The following AKNAD1 variants were observed in gnomAD, a reference collection of about 807,000 sequenced individuals.
AKNAD1 encodes the protein protein AKNAD1.
A neutral mutation model predicts 90.8 loss-of-function variants in AKNAD1; 67 were observed. The observed-to-expected ratio is 0.74, with a 90% CI of 0.61 to 0.90. AKNAD1 has a LOEUF of 0.90. Ranked by LOEUF, AKNAD1 falls within the 40% of genes least tolerant of loss-of-function variation. AKNAD1 has a pLI of 0.00. For missense variants in AKNAD1, 957 were observed against 975.4 expected (o/e 0.98, Z 0.25); for synonymous variants, 327 against 341.4 (o/e 0.96, Z 0.46).
At chr1:108,855,878 C>CT (rs540099927) in intron 1 of AKNAD1, among the ~76,000 whole-genome samples, 4,420 of 127,084 alleles carry the variant, frequency 0.035, 142 homozygotes, top group African/African-American at 0.081. Flanking sequence ...AACAGAGTAT[C>CT]TTTTTTTTTT....
chr1:108,835,143 C>G, intron 7 of AKNAD1, 87 bp from the exon 8 acceptor site: 1 of 1,456,740 alleles, frequency 6.9e-7, no homozygotes, highest in Non-Finnish European at 9.1e-7. Context: ...CTACAGCACC[C>G]CTAAGGCACC....
At chr1:108,816,997 G>C in intron 15 of AKNAD1, 51 bp downstream of exon 15, 1 of 1,604,070 alleles carries the variant, frequency 6.2e-7, no homozygotes, top group Non-Finnish European at 8.5e-7. Flanking sequence ...TGGGCATCAA[G>C]ATCAAACTTA....
intron 11 of AKNAD1, 105 bp from the exon 12 acceptor site, chr1:108,823,793 A>G: frequency 6.5e-7 from 1 of 1,537,198 alleles, no homozygotes; most frequent in Non-Finnish European, 8.8e-7. Context: ...TGTGTTTGGC[A>G]CCAAAGTGCT....
At chr1:108,837,421 G>T in intron 7 of AKNAD1, 129 bp downstream of exon 7, 1 of 873,410 alleles carries the variant, frequency 1.1e-6, no homozygotes, top group East Asian at 2.6e-5. Flanking sequence ...ATAATTCATG[G>T]GACTTTGGAA....
At chr1:108,841,272 T>C in intron 6 of AKNAD1, among the ~76,000 whole-genome samples, 1 of 152,142 alleles carries the variant, frequency 6.6e-6, no homozygotes, top group East Asian at 1.9e-4. Context: ...TCAAGGACCA[T>C]GGCTAGAGAG....
At chr1:108,846,506 A>T (rs1218876847) in intron 5 of AKNAD1, among the ~76,000 whole-genome samples, 3 of 151,964 alleles carry the variant, frequency 2.0e-5, no homozygotes, top group Non-Finnish European at 4.4e-5. Context: ...TTCAATCAAA[A>T]CCAGGCTTGC....
intron 15 of AKNAD1, among the ~76,000 whole-genome samples, 194 bp from the exon 16 acceptor site, chr1:108,816,496 G>T (rs1421512834): frequency 2.6e-5 from 4 of 152,120 alleles, no homozygotes; most frequent in Admixed American, 2.6e-4. Flanking sequence ...TAGGGAAAGG[G>T]ATTGAAAAAA....
At chr1:108,845,816 GAC>G (rs1478548078) in intron 5 of AKNAD1, among the ~76,000 whole-genome samples, 1 of 152,178 alleles carries the variant, frequency 6.6e-6, no homozygotes, top group Non-Finnish European at 1.5e-5. Context: ...AGTGAAGAGA[GAC>G]ACAAACATTT....
chr1:108,848,669 A>G, intron 5 of AKNAD1, 83 bp downstream of exon 5: 1 of 1,270,354 alleles, frequency 7.9e-7, no homozygotes. Context: ...ACTGTAGAGA[A>G]AACATGGCAC....
chr1:108,850,680 C>T (rs12035019), intron 2 of AKNAD1, among the ~76,000 whole-genome samples: 10,587 of 151,986 alleles, frequency 0.07, 440 homozygotes, highest in East Asian at 0.15. Flanking sequence ...GGTTAGGTTA[C>T]AGAAAAAGAG....
In AKNAD1 at chr1:108,830,597, G is replaced by A. The variant is rs369842462; in HGVS notation, c.1800C>T (p.Pro600=). The change falls in exon 10 of 16, where the codon CCC becomes CCT. Residue 600 remains proline, a synonymous_variant. Transcript: ENST00000370001. ...RRQDCAEMTA[P]SPSCAFCRRL... is the part of the protein sequence containing the mutation. ...TGCGACAGAAGGCACAGCTCGGACTGGGTGCCGTCATCTCTGCACAATCCT... is the reference window on the plus strand; with the variant it reads ...TGCGACAGAAGGCACAGCTCGGACTAGGTGCCGTCATCTCTGCACAATCCT... 9 of 1,614,026 alleles carry A rather than the reference G, an allele frequency of 5.6e-6. No individual in the cohort carries two copies. In the African/African-American group the frequency reaches 6.7e-5, roughly 12 times the overall value.
intron 10 of AKNAD1, among the ~76,000 whole-genome samples, chr1:108,828,295 C>T (rs571007812): frequency 7.2e-5 from 11 of 151,730 alleles, no homozygotes; most frequent in African/African-American, 2.7e-4. Context: ...ACATGGCCAC[C>T]AGGTGGCGTC....
intron 6 of AKNAD1, among the ~76,000 whole-genome samples, chr1:108,840,952 C>T (rs1664533784): frequency 6.6e-6 from 1 of 152,124 alleles, no homozygotes; most frequent in South Asian, 2.1e-4. Flanking sequence ...GGGCAGATCA[C>T]TTTAGGTCAG....
At chr1:108,845,758 T>C (rs557421203) in intron 5 of AKNAD1, among the ~76,000 whole-genome samples, 2 of 152,188 alleles carry the variant, frequency 1.3e-5, no homozygotes, top group Non-Finnish European at 1.5e-5. Context: ...GGCTCGAAGA[T>C]ATTGATGTTG....
chr1:108,835,070 A>C lies in AKNAD1; in HGVS notation c.1537-14T>G. The C allele has an allele frequency of 6.4e-7, 1 of 1,569,036 alleles. No homozygotes were observed. The highest frequency in any genetic ancestry group is 8.6e-7 in the Non-Finnish European group (1 of 1,163,616). ...CTCCTTGGGAATCTGGGGGAGCCAC[A>C]CAGAAAGACTTGAATTAGAGCCACA... On this transcript the variant is annotated splice_polypyrimidine_tract_variant and intron_variant, in intron 7 of 15. Transcript: ENST00000370001.
intron 6 of AKNAD1, among the ~76,000 whole-genome samples, chr1:108,839,965 A>G (rs1303990807): frequency 6.6e-6 from 1 of 152,122 alleles, no homozygotes; most frequent in Non-Finnish European, 1.5e-5. Context: ...TTGAGGTTGC[A>G]ATGAGCTATG....
chr1:108,849,130 A>C, intron 3 of AKNAD1, 70 bp from the exon 4 acceptor site: 1 of 1,378,058 alleles, frequency 7.3e-7, no homozygotes, highest in Non-Finnish European at 9.7e-7. Flanking sequence ...AGTACTGAAA[A>C]CAGAAAGCTG....
At chr1:108,818,551 A>G (rs2101154214) in intron 14 of AKNAD1, among the ~76,000 whole-genome samples, 1 of 152,282 alleles carries the variant, frequency 6.6e-6, no homozygotes, top group South Asian at 2.1e-4. Context: ...TAAGTGCTTT[A>G]TATGTATGGA....
chr1:108,829,746 A>G (rs1277224), intron 10 of AKNAD1, among the ~76,000 whole-genome samples: 74,003 of 151,914 alleles, frequency 0.49, 18,134 homozygotes, highest in East Asian at 0.56. Flanking sequence ...TTCTATTAGA[A>G]TCCATTACGT....
Sources: gnomAD v4.1 joint callset for allele counts (sites outside exome capture counted in the v4.1 genomes callset) on GRCh38, gnomAD v4.1.1 for gene constraint, MANE v1.5 for transcripts, NCBI Gene and HGNC (gene_info 2026-07-23, HGNC 2026-07-21) for gene names.